UFSP2: variants seen among roughly 807,000 people sequenced by gnomAD.
The protein encoded by UFSP2 is ufm1-specific protease 2.
A neutral mutation model predicts 60.2 loss-of-function variants in UFSP2; 43 were observed. The observed-to-expected ratio is 0.71, with a 90% CI of 0.56 to 0.92. UFSP2 has a LOEUF of 0.92. Among genes scored for constraint, UFSP2 ranks in the 40% least tolerant of loss-of-function variants. The probability of loss-of-function intolerance (pLI) is 0.00; values close to 1 mark genes in which losing one functional copy is unlikely to be tolerated. For missense variants in UFSP2, 520 were observed against 575.0 expected, an observed-to-expected ratio of 0.90 and a Z score of 0.98; for synonymous variants, 183 against 195.1, an observed-to-expected ratio of 0.94 and a Z score of 0.52.
chr4:185,408,708 C>T (rs554303882), intron 7 of UFSP2, among the ~76,000 whole-genome samples: 1 of 152,116 alleles, frequency 6.6e-6, no homozygotes, highest in Middle Eastern at 3.2e-3. Flanking sequence ...CCTCTACTTT[C>T]GGTTCCCATA....
intron 7 of UFSP2, among the ~76,000 whole-genome samples, chr4:185,410,268 A>C (rs1286957945): frequency 2.6e-5 from 4 of 152,236 alleles, no homozygotes; most frequent in Non-Finnish European, 4.4e-5. Context: ...AATACTTAGA[A>C]GTGAACAAAA....
At chr4:185,402,118 TCGAGAG>T in intron 11 of UFSP2, 2 of 285,572 alleles carry the variant, frequency 7.0e-6, no homozygotes, top group African/African-American at 2.2e-5. Context: ...TTTTTTTTTC[TCGAGAG>T]TCCTTTTTGC....
intron 7 of UFSP2, 137 bp downstream of exon 7, chr4:185,413,589 C>A: frequency 1.2e-6 from 1 of 851,326 alleles, no homozygotes; most frequent in South Asian, 2.3e-5. Context: ...TAAGCAATGT[C>A]TGTTAACAGA....
chr4:185,408,945 A>G (rs2095524706), intron 7 of UFSP2, among the ~76,000 whole-genome samples: 1 of 152,096 alleles, frequency 6.6e-6, no homozygotes, highest in African/African-American at 2.4e-5. Flanking sequence ...TTTTCAAAGT[A>G]TATCATGACT....
rs1302474901 is a variant in UFSP2, at chr4:185,425,884, G to T, written c.-16C>A. 25 of 1,600,512 alleles carry T rather than the reference G, an allele frequency of 1.6e-5. No individual in the cohort carries two copies. The highest frequency in any genetic ancestry group is 1.7e-4 in the Middle Eastern group (1 of 6,052). On this transcript the variant is annotated 5_prime_UTR_variant, in exon 1 of 12. Transcript: ENST00000264689. ...TACTCACCATGTCCGCGACGTGGCGGTGACACGGGCGCTGACGCCTGCCCA... is the reference window on the plus strand; with the variant it reads ...TACTCACCATGTCCGCGACGTGGCGTTGACACGGGCGCTGACGCCTGCCCA...
chr4:185,413,705 T>C lies in UFSP2; in HGVS notation c.831+21A>G, dbSNP rs764982433. 6.9e-6 allele frequency: 11 copies of C among 1,595,118 alleles called. No homozygotes were observed. In the Admixed American group the frequency reaches 1.4e-4, roughly 21 times the overall value. On this transcript the variant is annotated intron_variant, in intron 7 of 11. Coordinates refer to ENST00000264689, the MANE Select transcript of UFSP2 (RefSeq NM_018359.5). Reference sequence around the variant, plus strand: ...AACATTACTGATCCAGTGACTCCCATAAATAATTAGTTAAACTCACCATAC... The same window carrying C: ...AACATTACTGATCCAGTGACTCCCACAAATAATTAGTTAAACTCACCATAC...
At chr4:185,400,708 A>G (rs76883471) in intron 11 of UFSP2, 4,882 of 391,506 alleles carry the variant, frequency 0.012, 66 homozygotes, top group South Asian at 0.043. Context: ...AATCATTAAA[A>G]AAAATTTACC....
At position 185,415,357 on chromosome 4, in the gene UFSP2, G is replaced by T; in HGVS notation, c.492-10C>A. The T allele has an allele frequency of 1.3e-6, 2 of 1,559,496 alleles. No individual in the cohort carries two copies. The highest frequency in any genetic ancestry group is 1.7e-6 in the Non-Finnish European group (2 of 1,161,636). On this transcript the variant is annotated splice_polypyrimidine_tract_variant and intron_variant, in intron 5 of 11. Coordinates refer to ENST00000264689, the MANE Select transcript of UFSP2 (RefSeq NM_018359.5). ...CAGGAGTTTACGAACTCTGTGGGGG[G>T]AAATATATAAGTGTATTAACAAAAG... is the stretch of plus-strand genomic sequence containing the variant.
chr4:185,407,170 C>G (rs973283379), intron 9 of UFSP2, among the ~76,000 whole-genome samples: 49 of 151,062 alleles, frequency 3.2e-4, no homozygotes, highest in Non-Finnish European at 5.9e-4. Context: ...CCTGCCTCAG[C>G]CTCCCAAGTA....
In UFSP2 at chr4:185,413,842, C is replaced by T. The variant is rs1334848648; in HGVS notation, c.715G>A (p.Asp239Asn). The change falls in exon 7 of 12, where the codon GAC becomes AAC. Residue 239 changes from aspartate to asparagine, a missense_variant. Coordinates refer to ENST00000264689, the MANE Select transcript of UFSP2 (RefSeq NM_018359.5). The stretch of plus-strand genomic sequence containing the variant: ...TTAGACCTTTTGAAATAGGGTCTGT[C>T]GTGAGGCAGATTGAAAAGATCATGT... The part of the protein sequence containing the change: ...ELHDLFNLPH[D>N]RPYFKRSNAY... The T allele has an allele frequency of 7.5e-6, 12 of 1,609,958 alleles. No individual in the cohort carries two copies. The highest frequency in any genetic ancestry group is 3.4e-5 in the Admixed American group (2 of 59,200).
chr4:185,418,785 T>G lies in UFSP2; in HGVS notation c.83-15A>C, dbSNP rs770560758. The G allele has an allele frequency of 6.4e-7, 1 of 1,570,726 alleles. No individual in the cohort carries two copies. Among genetic ancestry groups the G allele is most frequent in the African/African-American group, 1.4e-5 (1 of 71,744 alleles). The stretch of plus-strand genomic sequence containing the variant: ...GAGAAAAATTTCTAAATTAAAAGAA[T>G]ATAAATAGAAGTTAAGAAAAACAAA... On this transcript the variant is annotated splice_polypyrimidine_tract_variant and intron_variant, in intron 2 of 11. Transcript: ENST00000264689.
rs149427596 is a variant in UFSP2, at chr4:185,412,351, G to A, written c.831+1375C>T. ...TGGTTGGCCCACAGCTTTTGCAGAT[G>A]ATCTGCTGCCCTGAGTACACTCTAA... On this transcript the variant is annotated intron_variant, in intron 7 of 11. Transcript: ENST00000264689. Among the ~76,000 whole-genome samples, 998 of 152,292 alleles carry A rather than the reference G, an allele frequency of 6.6e-3. 8 individuals carry two copies. The highest frequency in any genetic ancestry group is 0.011 in the Non-Finnish European group (747 of 68,028).
chr4:185,425,772 G>C (rs958885470), intron 1 of UFSP2, 94 bp downstream of exon 1: 3 of 1,537,038 alleles, frequency 2.0e-6, no homozygotes, highest in Non-Finnish European at 2.6e-6. Flanking sequence ...ACCCCGGCAG[G>C]ACCAGCTCCT....
In UFSP2 at chr4:185,415,367, A is replaced by G. The variant is rs780037401; in HGVS notation, c.492-20T>C. ...CGAACTCTGTGGGGGGAAATATATA[A>G]GTGTATTAACAAAAGTTATAGTGAC... On this transcript the variant is annotated intron_variant, in intron 5 of 11. Transcript: ENST00000264689. The G allele has an allele frequency of 6.5e-7, 1 of 1,542,480 alleles. No individual in the cohort carries two copies. The highest frequency in any genetic ancestry group is 2.3e-5 in the East Asian group (1 of 43,566).
chr4:185,411,275 C>T (rs1256397873), intron 7 of UFSP2, among the ~76,000 whole-genome samples: 1 of 151,898 alleles, frequency 6.6e-6, no homozygotes, highest in East Asian at 1.9e-4. Flanking sequence ...TACTAAAAAT[C>T]TTCTCACAAA....
At chr4:185,425,737 A>C (rs1238472266) in intron 1 of UFSP2, 129 bp downstream of exon 1, 1 of 1,383,510 alleles carries the variant, frequency 7.2e-7, no homozygotes, top group Non-Finnish European at 1.0e-6. Flanking sequence ...CGCCCTGCCC[A>C]CGCAGCTCGC....
intron 1 of UFSP2, among the ~76,000 whole-genome samples, chr4:185,423,799 TATAC>T (rs747341177): frequency 1.3e-5 from 2 of 151,904 alleles, no homozygotes; most frequent in Non-Finnish European, 2.9e-5. Context: ...TTCATACATA[TATAC>T]ATACATATAT....
chr4:185,418,865 T>C (rs1206963084), intron 2 of UFSP2, 95 bp from the exon 3 acceptor site: 2 of 929,884 alleles, frequency 2.2e-6, no homozygotes, highest in African/African-American at 3.3e-5. Context: ...AGTAAAACTC[T>C]CAATACCTAT....
chr4:185,412,794 AG>A (rs2153285222), intron 7 of UFSP2, among the ~76,000 whole-genome samples: 2 of 152,252 alleles, frequency 1.3e-5, no homozygotes, highest in South Asian at 4.2e-4. Flanking sequence ...GACACCTGCT[AG>A]TCACAGGGCT....
Sources: gnomAD v4.1 joint callset for allele counts (sites outside exome capture counted in the v4.1 genomes callset) on GRCh38, gnomAD v4.1.1 for gene constraint, MANE v1.5 for transcripts, NCBI Gene and HGNC (gene_info 2026-07-23, HGNC 2026-07-21) for gene names.